Variants in DNAH8 observed in about 807,000 individuals in gnomAD.
DNAH8 encodes the protein dynein axonemal heavy chain 8, also known as axonemal beta dynein heavy chain 8.
In DNAH8, 382 loss-of-function variants were observed where a neutral mutation model predicts 562.1. That is an observed-to-expected ratio of 0.68 (90% CI 0.63 to 0.74). The LOEUF (loss-of-function observed/expected upper bound fraction) is 0.74. DNAH8 is among the 30% of genes least tolerant of loss of function. The probability of loss-of-function intolerance (pLI) is 0.00; values close to 1 mark genes in which losing one functional copy is unlikely to be tolerated. For missense variants in DNAH8, 5,203 were observed against 5,620.4 expected, an observed-to-expected ratio of 0.93 and a Z score of 2.37; for synonymous variants, 1,881 against 1,919.4, an observed-to-expected ratio of 0.98 and a Z score of 0.52.
At chr6:38,925,919 TCGAAGTACA>T in intron 73 of DNAH8, 127 bp from the exon 74 acceptor site, 1 of 777,402 alleles carries the variant, frequency 1.3e-6, no homozygotes, top group African/African-American at 1.8e-5. Context: ...TTGCTTTTTT[TCGAAGTACA>T]AGTTGCATAG....
chr6:39,029,955 C>T (rs189415103), intron 92 of DNAH8, 150 bp from the exon 93 acceptor site: 8 of 648,564 alleles, frequency 1.2e-5, no homozygotes, highest in African/African-American at 7.3e-5. Context: ...CAGTATTTCA[C>T]GAATGCAATG....
At chr6:39,022,351 ACCCTAT>A (rs1766975033) in intron 91 of DNAH8, among the ~76,000 whole-genome samples, 1 of 152,070 alleles carries the variant, frequency 6.6e-6, no homozygotes, top group Non-Finnish European at 1.5e-5. Context: ...CTCCTCCCTG[ACCCTAT>A]GGACCAGGCC....
chr6:38,736,231 C>T (rs1410942340), intron 5 of DNAH8, among the ~76,000 whole-genome samples: 2 of 152,142 alleles, frequency 1.3e-5, no homozygotes, highest in African/African-American at 2.4e-5. Flanking sequence ...TCTATTCTTC[C>T]AACGTAGTTA....
intron 32 of DNAH8, among the ~76,000 whole-genome samples, chr6:38,836,930 T>G (rs902149965): frequency 4.6e-5 from 7 of 152,200 alleles, no homozygotes; most frequent in African/African-American, 1.7e-4. Flanking sequence ...TCAATAGTCT[T>G]TACACATTGA....
At chr6:38,998,179 C>T (rs1311099679) in intron 88 of DNAH8, among the ~76,000 whole-genome samples, 2 of 152,112 alleles carry the variant, frequency 1.3e-5, no homozygotes, top group Non-Finnish European at 2.9e-5. Context: ...TTGGGCAGGG[C>T]GAATCACAAG....
intron 76 of DNAH8, among the ~76,000 whole-genome samples, chr6:38,933,069 A>T (rs1782679353): frequency 6.6e-6 from 1 of 152,186 alleles, no homozygotes; most frequent in Admixed American, 6.5e-5. Flanking sequence ...CTGGCCCGGC[A>T]ATTCACTGTT....
chr6:39,027,273 C>T (rs1347116290), intron 92 of DNAH8, among the ~76,000 whole-genome samples: 2 of 152,050 alleles, frequency 1.3e-5, no homozygotes, highest in Admixed American at 6.5e-5. Context: ...CTACACATCT[C>T]CAGCTACTGC....
chr6:38,829,769 G>C (rs1773671280), intron 30 of DNAH8, among the ~76,000 whole-genome samples: 1 of 152,108 alleles, frequency 6.6e-6, no homozygotes, highest in Non-Finnish European at 1.5e-5. Flanking sequence ...GAAAATAGTG[G>C]CAAAATGCAT....
In DNAH8 at chr6:38,750,460, T is replaced by C. The variant is rs373742816; in HGVS notation, c.1294-16T>C. 1 of 1,565,012 alleles carries C rather than the reference T, an allele frequency of 6.4e-7. No homozygotes were observed. The highest frequency in any genetic ancestry group is 8.8e-7 in the Non-Finnish European group (1 of 1,139,724). ...ATTTGGATGTTTCATAGAATTCTTA[T>C]ACCTTTTTTTCTTAGAATTGGCGTG... On this transcript the variant is annotated splice_polypyrimidine_tract_variant and intron_variant, in intron 8 of 92. Transcript: ENST00000327475.
chr6:38,724,911 A>G (rs1157994317), intron 3 of DNAH8, among the ~76,000 whole-genome samples: 2 of 152,052 alleles, frequency 1.3e-5, no homozygotes, highest in Admixed American at 1.3e-4. Context: ...GGTTGTCACC[A>G]TGGGGGCCAT....
intron 88 of DNAH8, among the ~76,000 whole-genome samples, chr6:38,992,423 C>G (rs1373329498): frequency 1.3e-5 from 2 of 152,184 alleles, no homozygotes; most frequent in African/African-American, 4.8e-5. Flanking sequence ...GTTGACTGAT[C>G]AGTGCTGCTA....
At chr6:38,756,749 C>G (rs548973679) in intron 10 of DNAH8, among the ~76,000 whole-genome samples, 1 of 150,540 alleles carries the variant, frequency 6.6e-6, no homozygotes, top group Non-Finnish European at 1.5e-5. Context: ...CAATTCCCAC[C>G]TCTAAGTGAG....
At chr6:38,971,487 T>TTTA (rs1763347568) in intron 82 of DNAH8, 105 bp from the exon 83 acceptor site, 3 of 653,694 alleles carry the variant, frequency 4.6e-6, no homozygotes, top group South Asian at 4.3e-5. Flanking sequence ...TTTTTTTTTT[T>TTTA]AGAAACAATA....
At chr6:38,824,147 C>A (rs974620108) in intron 28 of DNAH8, among the ~76,000 whole-genome samples, 2 of 152,164 alleles carry the variant, frequency 1.3e-5, no homozygotes, top group Admixed American at 1.3e-4. Flanking sequence ...AGGAGACAAT[C>A]ATTAATGCTT....
At chr6:39,014,368 C>T (rs1766428056) in intron 91 of DNAH8, among the ~76,000 whole-genome samples, 1 of 152,132 alleles carries the variant, frequency 6.6e-6, no homozygotes. Context: ...AGTAAGTCGT[C>T]ACCAGGTAAT....
chr6:38,848,642 T>C lies in DNAH8; in HGVS notation c.5046-6T>C. On this transcript the variant is annotated splice_polypyrimidine_tract_variant and splice_region_variant and intron_variant, in intron 36 of 92. Transcript: ENST00000327475. ...AAATGTGATTTTTTCCGTTCTTACC[T>C]TTTAGATACAATGCTCCATTTAAAA... 4 of 1,605,252 alleles carry C rather than the reference T, an allele frequency of 2.5e-6. No homozygotes were observed. Among genetic ancestry groups the C allele is most frequent in the Non-Finnish European group, 3.4e-6 (4 of 1,173,568 alleles).
Position 38,872,731 on chromosome 6 carries a change from A to G in DNAH8, c.7186A>G (p.Thr2396Ala). Residue 2396 changes from threonine (T) to alanine (A), a missense_variant, in exon 50 of 93, where the codon ACA becomes GCA. Physicochemically the swap from Thr to Ala is moderately conservative, Grantham distance 58 (BLOSUM62 0). This residue lies in a region of DNAH8 where 2,176 missense variants were observed against 2,365.1 expected (regional missense o/e 0.92). Coordinates refer to ENST00000327475, the MANE Select transcript of DNAH8 (RefSeq NM_001206927.2). The stretch of plus-strand genomic sequence containing the variant: ...ACTGGACACTGCTACCAATGACTGG[A>G]CAGATGGGATTTTTTCTACTCTGTG... ...GRLDTATNDW[T>A]DGIFSTLWRK... 1 of 1,614,134 alleles carries G rather than the reference A, an allele frequency of 6.2e-7. No individual in the cohort carries two copies. The highest frequency in any genetic ancestry group is 1.1e-5 in the South Asian group (1 of 91,082).
intron 56 of DNAH8, among the ~76,000 whole-genome samples, chr6:38,884,640 T>C (rs1778779381): frequency 1.3e-5 from 2 of 152,174 alleles, no homozygotes; most frequent in Admixed American, 1.3e-4. Flanking sequence ...TTTGGCTACT[T>C]GACTTCAGTG....
intron 80 of DNAH8, among the ~76,000 whole-genome samples, chr6:38,947,640 C>T (rs1761543131): frequency 1.3e-5 from 2 of 152,160 alleles, no homozygotes; most frequent in African/African-American, 4.8e-5. Flanking sequence ...GGGCTCGCAA[C>T]ACCCAGGCCC....
Sources: gnomAD v4.1 joint callset for allele counts (sites outside exome capture counted in the v4.1 genomes callset) on GRCh38, gnomAD v4.1.1 for gene constraint, gnomAD v4.1.1 regional missense constraint, MANE v1.5 for transcripts, NCBI Gene and HGNC (gene_info 2026-07-23, HGNC 2026-07-21) for gene names.